The following ACOXL variants were observed in gnomAD, a reference collection of about 807,000 sequenced individuals.
ACOXL encodes the protein acyl-CoA oxidase like, also known as acyl-coenzyme A oxidase-like protein.
In ACOXL, 70 loss-of-function variants were observed where a neutral mutation model predicts 71.9. The ratio of observed to expected loss-of-function variants is 0.97; its 90% confidence interval spans 0.80 to 1.19. The LOEUF is 1.19. Among genes scored for constraint, ACOXL ranks in the 50% most tolerant of loss-of-function variants. The pLI is 0.00. For missense variants in ACOXL, 703 were observed against 736.3 expected (o/e 0.95, Z 0.52); for synonymous variants, 253 against 281.6 (o/e 0.90, Z 1.02).
At chr2:111,031,048 A>G (rs1029792022) in intron 14 of ACOXL, among the ~76,000 whole-genome samples, 1 of 152,264 alleles carries the variant, frequency 6.6e-6, no homozygotes, top group African/African-American at 2.4e-5. Flanking sequence ...TATCTTGCAC[A>G]GAGTAGATGC....
At chr2:110,780,530 G>A (rs1281467408) in intron 2 of ACOXL, among the ~76,000 whole-genome samples, 1 of 152,116 alleles carries the variant, frequency 6.6e-6, no homozygotes, top group Non-Finnish European at 1.5e-5. Context: ...GCCTGAAACT[G>A]GAAGCAACCC....
intron 10 of ACOXL, among the ~76,000 whole-genome samples, chr2:110,847,992 A>C (rs1276762947): frequency 6.6e-6 from 1 of 152,246 alleles, no homozygotes; most frequent in Non-Finnish European, 1.5e-5. Flanking sequence ...TTTGAAGTTC[A>C]TAGATGAATC....
At chr2:111,000,268 T>G (rs1285165565) in intron 14 of ACOXL, among the ~76,000 whole-genome samples, 1 of 152,182 alleles carries the variant, frequency 6.6e-6, no homozygotes, top group Non-Finnish European at 1.5e-5. Context: ...TGAAGTTATG[T>G]GGAAAGTAGA....
At chr2:110,903,088 G>C (rs1330903132) in intron 10 of ACOXL, among the ~76,000 whole-genome samples, 1 of 152,228 alleles carries the variant, frequency 6.6e-6, no homozygotes, top group Non-Finnish European at 1.5e-5. Flanking sequence ...TCAGAGTCCA[G>C]GGTGAGGCTT....
chr2:110,739,687 G>A (rs1677277371), intron 1 of ACOXL, among the ~76,000 whole-genome samples: 1 of 152,174 alleles, frequency 6.6e-6, no homozygotes, highest in Non-Finnish European at 1.5e-5. Context: ...CTTGGAGAGG[G>A]GACTTGAGGA....
At chr2:110,778,694 G>A (rs1320154664) in intron 2 of ACOXL, among the ~76,000 whole-genome samples, 1 of 152,188 alleles carries the variant, frequency 6.6e-6, no homozygotes. Context: ...CATAACACGT[G>A]GTAAGTTGTC....
intron 14 of ACOXL, among the ~76,000 whole-genome samples, chr2:110,999,359 T>C (rs2063525228): frequency 6.6e-6 from 1 of 152,190 alleles, no homozygotes; most frequent in African/African-American, 2.4e-5. Flanking sequence ...GGTCACATCC[T>C]GAGGTACTAG....
intron 1 of ACOXL, among the ~76,000 whole-genome samples, chr2:110,734,556 A>C (rs1305430886): frequency 3.3e-5 from 5 of 151,976 alleles, no homozygotes; most frequent in Non-Finnish European, 2.9e-5. Flanking sequence ...CATAATTCTT[A>C]ACAGTGCAAA....
At chr2:111,027,158 AGT>A (rs1159500050) in intron 14 of ACOXL, among the ~76,000 whole-genome samples, 1 of 152,032 alleles carries the variant, frequency 6.6e-6, no homozygotes, top group Non-Finnish European at 1.5e-5. Flanking sequence ...CAGCCTCTAA[AGT>A]GCTGGGATTA....
chr2:111,089,753 A>G (rs1486322432), intron 16 of ACOXL, among the ~76,000 whole-genome samples: 1 of 152,230 alleles, frequency 6.6e-6, no homozygotes, highest in East Asian at 1.9e-4. Context: ...CATTTATTCA[A>G]AAATATTATA....
chr2:110,864,370 C>G (rs1694308032), intron 10 of ACOXL, among the ~76,000 whole-genome samples: 1 of 152,170 alleles, frequency 6.6e-6, no homozygotes, highest in African/African-American at 2.4e-5. Context: ...CAGGGGCTCT[C>G]CATCCACAAA....
At chr2:111,090,574 C>G (rs1298464876) in intron 16 of ACOXL, among the ~76,000 whole-genome samples, 3 of 152,148 alleles carry the variant, frequency 2.0e-5, no homozygotes, top group Non-Finnish European at 4.4e-5. Context: ...TACACAAAAG[C>G]CACAGACTGT....
intron 2 of ACOXL, among the ~76,000 whole-genome samples, chr2:110,774,814 A>G (rs1370703882): frequency 1.3e-5 from 2 of 152,190 alleles, no homozygotes; most frequent in Non-Finnish European, 2.9e-5. Flanking sequence ...AAATAGAAAA[A>G]CTCATCCTAA....
rs114857253 is a variant in ACOXL at position 110,989,548 on chromosome 2, G to A, written c.1169+2331G>A. Among the ~76,000 whole-genome samples, 627 of 152,304 alleles carry A rather than the reference G, an allele frequency of 4.1e-3. 9 individuals carry two copies. Among genetic ancestry groups the A allele is most frequent in the African/African-American group, 0.015 (603 of 41,548 alleles). On this transcript the variant is annotated intron_variant, in intron 13 of 17. Transcript: ENST00000439055. ...GAATATTGTAGGATTGTACTTACATGACATACCTAGAGTAGTCAAATTCGT... is the reference window on the plus strand; with the variant it reads ...GAATATTGTAGGATTGTACTTACATAACATACCTAGAGTAGTCAAATTCGT...
chr2:110,989,060 A>G (rs949824895), intron 13 of ACOXL, among the ~76,000 whole-genome samples: 4 of 152,060 alleles, frequency 2.6e-5, no homozygotes, highest in African/African-American at 4.8e-5. Context: ...TTTATATCCA[A>G]CACTTTTTCT....
At chr2:111,037,469 G>A (rs2065571734) in intron 15 of ACOXL, among the ~76,000 whole-genome samples, 1 of 152,150 alleles carries the variant, frequency 6.6e-6, no homozygotes, top group Admixed American at 6.5e-5. Flanking sequence ...GGACTCTCAA[G>A]AACAGAAGTT....
chr2:110,741,074 C>T (rs1423686393), intron 1 of ACOXL, among the ~76,000 whole-genome samples: 2 of 152,126 alleles, frequency 1.3e-5, no homozygotes, highest in African/African-American at 2.4e-5. Flanking sequence ...GTAAATATCC[C>T]AGGCATTCCT....
intron 14 of ACOXL, among the ~76,000 whole-genome samples, chr2:111,015,804 G>T (rs970218059): frequency 1.3e-5 from 2 of 152,114 alleles, no homozygotes; most frequent in African/African-American, 4.8e-5. Flanking sequence ...TGAATAAACT[G>T]CTGCCACATG....
chr2:110,878,498 C>T (rs1040162103), intron 10 of ACOXL, among the ~76,000 whole-genome samples: 1 of 152,238 alleles, frequency 6.6e-6, no homozygotes, highest in Non-Finnish European at 1.5e-5. Flanking sequence ...TGCAATGGCT[C>T]ATGCCTGTAA....
Sources: gnomAD v4.1 joint callset for allele counts (sites outside exome capture counted in the v4.1 genomes callset) on GRCh38, gnomAD v4.1.1 for gene constraint, MANE v1.5 for transcripts, NCBI Gene and HGNC (gene_info 2026-07-23, HGNC 2026-07-21) for gene names.